Variants in CORO2B observed in about 807,000 individuals in gnomAD.
CORO2B encodes coronin-2B.
A neutral mutation model predicts 58.8 loss-of-function variants in CORO2B; 26 were observed. The ratio of observed to expected loss-of-function variants is 0.44; its 90% CI spans 0.32 to 0.61. The LOEUF (loss-of-function observed/expected upper bound fraction) is 0.61. CORO2B is among the 20% of genes least tolerant of loss of function. The probability of loss-of-function intolerance (pLI) is 0.04; values close to 1 mark genes in which losing one functional copy is unlikely to be tolerated. For synonymous variants in CORO2B, 242 were observed against 253.8 expected (o/e 0.95, Z 0.44); for missense variants, 460 against 645.1 (o/e 0.71, Z 3.11).
the CORO2B span, among the ~76,000 whole-genome samples, chr15:68,525,461 AG>A: frequency 6.6e-6 from 1 of 152,204 alleles, no homozygotes; most frequent in Non-Finnish European, 1.5e-5. Context: ...GGACTCAAGA[AG>A]GCTTTGTAAG....
intron 2 of CORO2B, among the ~76,000 whole-genome samples, chr15:68,680,759 T>C (rs1436509004): frequency 6.6e-6 from 1 of 152,200 alleles, no homozygotes; most frequent in Non-Finnish European, 1.5e-5. Flanking sequence ...TAAGCTTCAG[T>C]TTCCTCATCT....
chr15:68,649,375 G>A (rs957102161), intron 2 of CORO2B, among the ~76,000 whole-genome samples: 19 of 152,070 alleles, frequency 1.2e-4, no homozygotes, highest in Non-Finnish European at 2.5e-4. Flanking sequence ...CACTTTACAT[G>A]AGTACTGAGT....
At chr15:68,623,234 G>A (rs1047758010) in intron 1 of CORO2B, among the ~76,000 whole-genome samples, 1 of 152,174 alleles carries the variant, frequency 6.6e-6, no homozygotes, top group African/African-American at 2.4e-5. Flanking sequence ...TTTGCTTAGG[G>A]TCACACAGCG....
chr15:68,705,684 G>A (rs1892767775), intron 3 of CORO2B, among the ~76,000 whole-genome samples: 1 of 152,138 alleles, frequency 6.6e-6, no homozygotes, highest in African/African-American at 2.4e-5. Flanking sequence ...AGGGGCTGGT[G>A]CCTGGGCATA....
At chr15:68,722,442 G>A (rs28482210) in intron 11 of CORO2B, among the ~76,000 whole-genome samples, 2,354 of 152,312 alleles carry the variant, frequency 0.015, 63 homozygotes, top group African/African-American at 0.054. Flanking sequence ...ATTGATCTAA[G>A]TGTGAGGAAA....
At chr15:68,523,227 G>A in the CORO2B span, among the ~76,000 whole-genome samples, 10 of 151,636 alleles carry the variant, frequency 6.6e-5, no homozygotes, top group South Asian at 2.1e-3. Flanking sequence ...GTCTCACTCT[G>A]TCACTCAGGC....
chr15:68,622,945 G>C (rs964893221), intron 1 of CORO2B, among the ~76,000 whole-genome samples: 1 of 152,148 alleles, frequency 6.6e-6, no homozygotes, highest in Non-Finnish European at 1.5e-5. Context: ...ATACTTTAGG[G>C]AATCTAATCT....
At chr15:68,633,783 C>T (rs1333345523) in intron 1 of CORO2B, among the ~76,000 whole-genome samples, 3 of 152,236 alleles carry the variant, frequency 2.0e-5, no homozygotes, top group Admixed American at 6.5e-5. Flanking sequence ...GCCGGCAGAT[C>T]GTCCTTCTCT....
At chr15:68,668,395 G>A (rs1257609190) in intron 2 of CORO2B, among the ~76,000 whole-genome samples, 4 of 147,422 alleles carry the variant, frequency 2.7e-5, no homozygotes, top group South Asian at 4.2e-4. Flanking sequence ...GAACAAGGGC[G>A]CAAACAGTCG....
rs190942421 is a variant in CORO2B, at chr15:68,703,200, T to C, written c.334-7532T>C. Among the ~76,000 whole-genome samples the C allele has an allele frequency of 4.7e-3, 657 of 139,680 alleles. 4 individuals are homozygous for C. In the Middle Eastern group the frequency reaches 0.07, roughly 15 times the overall value. The allele number at this position is 139,680 out of a possible 152,430, so 91.6% of individuals were successfully genotyped here. A position where few individuals can be genotyped will look rare whatever the true frequency, so the allele number is the denominator to read the frequency against. ...GGAGTCTTGCTCTGTCACCAGGCTG[T>C]CATGCAGTGGCGCGATCTCAGCTCA... On this transcript the variant is annotated intron_variant, in intron 3 of 11. Coordinates refer to ENST00000261861, the MANE Select transcript of CORO2B (RefSeq NM_006091.5).
At chr15:68,679,949 G>C (rs947802230) in intron 2 of CORO2B, among the ~76,000 whole-genome samples, 6 of 152,336 alleles carry the variant, frequency 3.9e-5, no homozygotes, top group African/African-American at 1.4e-4. Context: ...TTCTGAGCCA[G>C]AGGTCCCCTG....
intron 1 of CORO2B, among the ~76,000 whole-genome samples, chr15:68,607,275 G>C (rs1317134324): frequency 6.6e-6 from 1 of 150,548 alleles, no homozygotes; most frequent in African/African-American, 2.4e-5. Context: ...GGCTGGACTG[G>C]GCTGGGACTG....
At chr15:68,678,352 A>G (rs2140300491) in intron 2 of CORO2B, among the ~76,000 whole-genome samples, 1 of 152,260 alleles carries the variant, frequency 6.6e-6, no homozygotes, top group African/African-American at 2.4e-5. Flanking sequence ...CTGAGCCCCC[A>G]GAAGGGTGCC....
At chr15:68,709,531 C>T (rs1338758357) in intron 3 of CORO2B, among the ~76,000 whole-genome samples, 1 of 148,210 alleles carries the variant, frequency 6.7e-6, no homozygotes, top group Non-Finnish European at 1.5e-5. Context: ...GATCTCAGCA[C>T]ACTGTAACCT....
the CORO2B span, among the ~76,000 whole-genome samples, chr15:68,555,311 C>A: frequency 4.6e-3 from 696 of 152,340 alleles, 7 homozygotes; most frequent in African/African-American, 0.016. Flanking sequence ...GTTCCCCTCC[C>A]ACCAAGGCTA....
At chr15:68,672,087 G>A (rs1310525624) in intron 2 of CORO2B, among the ~76,000 whole-genome samples, 4 of 152,030 alleles carry the variant, frequency 2.6e-5, no homozygotes, top group African/African-American at 4.8e-5. Flanking sequence ...CCACTTGTTC[G>A]CTGAGTGCAG....
At chr15:68,659,455 G>A (rs1901937683) in intron 2 of CORO2B, among the ~76,000 whole-genome samples, 1 of 152,220 alleles carries the variant, frequency 6.6e-6, no homozygotes, top group Non-Finnish European at 1.5e-5. Context: ...GCTCATGCCT[G>A]TAATCCCAGC....
chr15:68,577,603 C>G (rs1899311930), upstream of CORO2B, among the ~76,000 whole-genome samples: 1 of 151,908 alleles, frequency 6.6e-6, no homozygotes, highest in African/African-American at 2.4e-5. Flanking sequence ...TTCCTGTAGT[C>G]CCAGATCCTC....
chr15:68,610,507 C>T (rs1399500388), intron 1 of CORO2B, among the ~76,000 whole-genome samples: 1 of 152,118 alleles, frequency 6.6e-6, no homozygotes, highest in Non-Finnish European at 1.5e-5. Context: ...CTTTCGCTCA[C>T]ATCCCCTCCC....
Sources: allele counts gnomAD v4.1 joint callset (sites outside exome capture counted in the v4.1 genomes callset), GRCh38; gene constraint gnomAD v4.1.1; transcripts MANE v1.5; gene names NCBI Gene and HGNC (gene_info 2026-07-23, HGNC 2026-07-21).